GORASP2: variants seen among roughly 807,000 people sequenced by gnomAD.
GORASP2 encodes the protein Golgi reassembly-stacking protein 2.
Under a neutral mutation model 45.7 loss-of-function variants are expected in GORASP2, and 22 were observed. The ratio of observed to expected loss-of-function variants is 0.48; its 90% confidence interval spans 0.34 to 0.69. GORASP2 has a LOEUF of 0.69. GORASP2 is among the 30% of genes least tolerant of loss of function. The probability of loss-of-function intolerance (pLI) is 0.01; values close to 1 mark genes in which losing one functional copy is unlikely to be tolerated. For missense variants in GORASP2, 491 were observed against 562.7 expected, an observed-to-expected ratio of 0.87 and a Z score of 1.29; for synonymous variants, 221 against 215.6, an observed-to-expected ratio of 1.02 and a Z score of -0.22.
intron 1 of GORASP2, among the ~76,000 whole-genome samples, chr2:170,937,736 T>C (rs1338358310): frequency 6.6e-6 from 1 of 151,992 alleles, no homozygotes; most frequent in African/African-American, 2.4e-5. Flanking sequence ...TCCTAACACT[T>C]TGGGAGGCCG....
intron 1 of GORASP2, among the ~76,000 whole-genome samples, chr2:170,932,003 A>G (rs1412587817): frequency 6.6e-6 from 1 of 152,238 alleles, no homozygotes. Context: ...AGGTGGGCGG[A>G]TCACCTGAGG....
At chr2:170,934,938 C>T (rs894572146) in intron 1 of GORASP2, among the ~76,000 whole-genome samples, 1 of 152,020 alleles carries the variant, frequency 6.6e-6, no homozygotes, top group African/African-American at 2.4e-5. Context: ...GGCTTTCACC[C>T]TATTGGTCAA....
chr2:170,956,364 A>G, intron 6 of GORASP2, 72 bp from the exon 7 acceptor site: 1 of 1,366,656 alleles, frequency 7.3e-7, no homozygotes, highest in African/African-American at 1.5e-5. Flanking sequence ...CAGGGCAAGT[A>G]AGAGCCAATA....
intron 8 of GORASP2, among the ~76,000 whole-genome samples, 162 bp downstream of exon 8, chr2:170,961,911 C>T (rs1244385570): frequency 1.3e-5 from 2 of 152,250 alleles, no homozygotes. Context: ...GCTAGGGCAA[C>T]TCTCCTTAGT....
At chr2:170,952,865 G>A (rs1176496819) in intron 5 of GORASP2, among the ~76,000 whole-genome samples, 2 of 152,162 alleles carry the variant, frequency 1.3e-5, no homozygotes, top group East Asian at 3.9e-4. Flanking sequence ...TTTTAGAGAT[G>A]GGGCCTTGCT....
At chr2:170,946,128 C>T (rs1224537007) in intron 1 of GORASP2, among the ~76,000 whole-genome samples, 1 of 152,100 alleles carries the variant, frequency 6.6e-6, no homozygotes, top group Non-Finnish European at 1.5e-5. Flanking sequence ...CCTCCCAGCT[C>T]AGCCTTCCAA....
chr2:170,960,519 C>T (rs375764553), intron 7 of GORASP2, among the ~76,000 whole-genome samples: 2 of 152,254 alleles, frequency 1.3e-5, no homozygotes, highest in East Asian at 3.9e-4. Flanking sequence ...TGAAAAGAAA[C>T]TTATGTGAAA....
chr2:170,963,425 C>T (rs890445297), intron 9 of GORASP2, among the ~76,000 whole-genome samples: 8 of 146,590 alleles, frequency 5.5e-5, no homozygotes, highest in East Asian at 3.9e-4. Flanking sequence ...TCTCAGTCCC[C>T]GCTGCTACTG....
intron 4 of GORASP2, among the ~76,000 whole-genome samples, chr2:170,950,961 AAC>A (rs981782702): frequency 1.3e-5 from 2 of 152,134 alleles, no homozygotes; most frequent in African/African-American, 4.8e-5. Context: ...TAGCCCAGGC[AAC>A]AGTTAGAGAG....
intron 1 of GORASP2, among the ~76,000 whole-genome samples, chr2:170,940,724 A>G (rs731693): frequency 0.6 from 90,984 of 151,384 alleles, 29,035 homozygotes; most frequent in East Asian, 0.95. Flanking sequence ...CTTTATTTTT[A>G]TTGTAGCTCA....
chr2:170,954,269 G>A lies in GORASP2; in HGVS notation c.567-381G>A, dbSNP rs1475968390. The A allele has an allele frequency of 8.1e-4, 134 of 165,302 alleles. 3 individuals are homozygous for A. Among genetic ancestry groups the A allele is most frequent in the Non-Finnish European group, 7.8e-5 (6 of 76,668 alleles). The allele number at this position is 165,302 out of a possible 1,614,324, so 10.2% of individuals were successfully genotyped here. The stretch of plus-strand genomic sequence containing the variant: ...ATCATCAAATGTCTGCCATGTGCCG[G>A]CAGCTATGAAGGCAGTAAACAGACA... On this transcript the variant is annotated intron_variant, in intron 5 of 9. Transcript: ENST00000234160.
chr2:170,929,581 C>T (rs1431189678), intron 1 of GORASP2, 178 bp downstream of exon 1: 5 of 575,498 alleles, frequency 8.7e-6, no homozygotes, highest in Non-Finnish European at 1.5e-5. Flanking sequence ...ATCCCACCTC[C>T]GCGGAGCGCC....
chr2:170,935,189 A>G (rs1703919262), intron 1 of GORASP2, among the ~76,000 whole-genome samples: 2 of 152,240 alleles, frequency 1.3e-5, no homozygotes, highest in African/African-American at 4.8e-5. Flanking sequence ...GAATTATATC[A>G]TTGAACATAA....
In GORASP2 at chr2:170,966,190, C is replaced by T. The variant is rs1406441305; in HGVS notation, c.*60C>T. 22 of 1,143,124 alleles carry T rather than the reference C, an allele frequency of 1.9e-5. 1 individual carries two copies. Among genetic ancestry groups the T allele is most frequent in the Non-Finnish European group, 2.5e-5 (19 of 754,652 alleles). The allele number at this position is 1,143,124 out of a possible 1,614,324, so 70.8% of individuals were successfully genotyped here. ...TTAACCACGGGAGCGTGTCTGGAAA[C>T]GCAAACTATCATTAATTTCATACTA... On this transcript the variant is annotated 3_prime_UTR_variant, in exon 10 of 10. Coordinates refer to ENST00000234160, the MANE Select transcript of GORASP2 (RefSeq NM_015530.5).
intron 1 of GORASP2, chr2:170,929,759 G>C (rs372425082): frequency 8.8e-5 from 45 of 508,562 alleles, no homozygotes; most frequent in African/African-American, 8.4e-4. Context: ...GTTAGGAAGG[G>C]CGCGGAGGCA....
At chr2:170,932,269 C>G (rs1368993720) in intron 1 of GORASP2, among the ~76,000 whole-genome samples, 1 of 152,048 alleles carries the variant, frequency 6.6e-6, no homozygotes, top group African/African-American at 2.4e-5. Flanking sequence ...TTCTCTCTTT[C>G]TTTTTGTTAC....
At chr2:170,935,806 G>C (rs1687657519) in intron 1 of GORASP2, among the ~76,000 whole-genome samples, 1 of 151,686 alleles carries the variant, frequency 6.6e-6, no homozygotes, top group South Asian at 2.1e-4. Context: ...GAACTCCTGA[G>C]TTCAAGCAAT....
chr2:170,948,666 T>G (rs1704230919), intron 2 of GORASP2: 1 of 281,120 alleles, frequency 3.6e-6, no homozygotes, highest in Non-Finnish European at 6.5e-6. Context: ...ATGTTAAATA[T>G]TTAATTTTTA....
chr2:170,936,928 G>C (rs2105312361), intron 1 of GORASP2, among the ~76,000 whole-genome samples: 2 of 152,194 alleles, frequency 1.3e-5, no homozygotes, highest in South Asian at 4.2e-4. Flanking sequence ...AAAATTTAAG[G>C]CTAGGTGCGG....
Sources: gnomAD v4.1 joint callset for allele counts (sites outside exome capture counted in the v4.1 genomes callset) on GRCh38, gnomAD v4.1.1 for gene constraint, MANE v1.5 for transcripts, NCBI Gene and HGNC (gene_info 2026-07-23, HGNC 2026-07-21) for gene names.